Variants in MAPKAP1 observed in about 807,000 individuals in gnomAD.
MAPKAP1 encodes the protein target of rapamycin complex 2 subunit MAPKAP1.
MAPKAP1 carries 20 observed loss-of-function variants against 65.7 expected under a neutral mutation model. The ratio of observed to expected loss-of-function variants is 0.30; its 90% CI spans 0.21 to 0.44. MAPKAP1 has a LOEUF of 0.44. MAPKAP1 is among the 20% of genes least tolerant of loss of function. The pLI is 1.00. For synonymous variants in MAPKAP1, 222 were observed against 244.3 expected (o/e 0.91, Z 0.85); for missense variants, 423 against 648.0 (o/e 0.65, Z 3.77).
intron 7 of MAPKAP1, among the ~76,000 whole-genome samples, chr9:125,525,547 C>A (rs1438899881): frequency 6.6e-6 from 1 of 152,066 alleles, no homozygotes; most frequent in Admixed American, 6.5e-5. Flanking sequence ...GTGGCGCATG[C>A]CTGTAATCCC....
chr9:125,556,700 G>T (rs144097203), intron 6 of MAPKAP1, among the ~76,000 whole-genome samples: 118 of 152,280 alleles, frequency 7.7e-4, no homozygotes, highest in African/African-American at 2.7e-3. Flanking sequence ...GAGTAGTTAC[G>T]GCTTTATTTA....
chr9:125,511,155 TCATCATCAC>T (rs1198849555), intron 7 of MAPKAP1, among the ~76,000 whole-genome samples: 8 of 138,154 alleles, frequency 5.8e-5, no homozygotes, highest in East Asian at 4.0e-4. Flanking sequence ...GTATCAGCTA[TCATCATCAC>T]CATCATCATC....
intron 10 of MAPKAP1, among the ~76,000 whole-genome samples, chr9:125,449,692 GC>G (rs1289502539): frequency 6.6e-6 from 1 of 152,128 alleles, no homozygotes; most frequent in African/African-American, 2.4e-5. Context: ...CAGCTTTTGT[GC>G]TTTAATTCAT....
At chr9:125,474,798 T>C (rs1854044306) in intron 9 of MAPKAP1, among the ~76,000 whole-genome samples, 1 of 152,230 alleles carries the variant, frequency 6.6e-6, no homozygotes, top group African/African-American at 2.4e-5. Flanking sequence ...CATTCATCAA[T>C]TTCCTACAGC....
chr9:125,702,638 G>A (rs773967423), intron 1 of MAPKAP1, among the ~76,000 whole-genome samples: 16 of 152,018 alleles, frequency 1.1e-4, no homozygotes, highest in Non-Finnish European at 1.8e-4. Context: ...GATCACTTGA[G>A]GTCAAGAGTT....
intron 4 of MAPKAP1, among the ~76,000 whole-genome samples, chr9:125,621,297 A>G (rs1156460435): frequency 6.6e-6 from 1 of 151,848 alleles, no homozygotes; most frequent in Admixed American, 6.6e-5. Flanking sequence ...ACAAAAACAA[A>G]CCACAAAAGT....
At chr9:125,546,823 G>A (rs1830439483) in intron 6 of MAPKAP1, among the ~76,000 whole-genome samples, 1 of 152,012 alleles carries the variant, frequency 6.6e-6, no homozygotes, top group Non-Finnish European at 1.5e-5. Context: ...GCCCTCGGAT[G>A]AACAGGCAGG....
At chr9:125,641,060 A>G (rs1025039594) in intron 4 of MAPKAP1, among the ~76,000 whole-genome samples, 1 of 152,238 alleles carries the variant, frequency 6.6e-6, no homozygotes, top group African/African-American at 2.4e-5. Context: ...GTATCTCAAC[A>G]TAGAAATAAT....
intron 1 of MAPKAP1, among the ~76,000 whole-genome samples, chr9:125,694,095 G>A (rs769502928): frequency 4.6e-5 from 7 of 151,940 alleles, no homozygotes; most frequent in East Asian, 1.9e-4. Flanking sequence ...TTGGGAGGCC[G>A]AGGCAGGTAG....
At chr9:125,576,615 C>T (rs1428722464) in intron 5 of MAPKAP1, among the ~76,000 whole-genome samples, 1 of 152,214 alleles carries the variant, frequency 6.6e-6, no homozygotes, top group African/African-American at 2.4e-5. Context: ...CTGCAACCTC[C>T]CTGCCTGATT....
At chr9:125,692,525 G>C (rs745624566) in intron 1 of MAPKAP1, among the ~76,000 whole-genome samples, 5 of 152,192 alleles carry the variant, frequency 3.3e-5, no homozygotes, top group Non-Finnish European at 5.9e-5. Flanking sequence ...TAATGAATAT[G>C]AGATTTCTTT....
chr9:125,587,511 A>AAG (rs1831825388), intron 4 of MAPKAP1, among the ~76,000 whole-genome samples: 1 of 152,224 alleles, frequency 6.6e-6, no homozygotes, highest in African/African-American at 2.4e-5. Flanking sequence ...TGTTGCAATG[A>AAG]GCCAACATCA....
chr9:125,440,736 G>A (rs1333972716), intron 11 of MAPKAP1, among the ~76,000 whole-genome samples: 1 of 152,212 alleles, frequency 6.6e-6, no homozygotes, highest in East Asian at 1.9e-4. Context: ...CCGCTGCCTC[G>A]CCAAGTTACC....
At chr9:125,644,922 GT>G (rs1564598967) in intron 4 of MAPKAP1, among the ~76,000 whole-genome samples, 1 of 151,988 alleles carries the variant, frequency 6.6e-6, no homozygotes, top group Non-Finnish European at 1.5e-5. Flanking sequence ...TGAAAAATGT[GT>G]TTTTTTAATA....
intron 5 of MAPKAP1, among the ~76,000 whole-genome samples, chr9:125,571,581 G>T (rs1379263749): frequency 6.6e-6 from 1 of 152,172 alleles, no homozygotes; most frequent in Non-Finnish European, 1.5e-5. Flanking sequence ...ATCCGGCCAG[G>T]TGCAGTGGCT....
At chr9:125,579,093 T>C (rs1488159711) in intron 5 of MAPKAP1, among the ~76,000 whole-genome samples, 3 of 152,228 alleles carry the variant, frequency 2.0e-5, no homozygotes, top group African/African-American at 7.2e-5. Context: ...TTTCAGTTAG[T>C]TTCTCCCAAA....
chr9:125,512,710 T>C (rs1829337646), intron 7 of MAPKAP1, among the ~76,000 whole-genome samples: 1 of 151,720 alleles, frequency 6.6e-6, no homozygotes. Flanking sequence ...GCCTCCCAAG[T>C]AGCTGGGACT....
chr9:125,576,026 G>A (rs539317764), intron 5 of MAPKAP1, among the ~76,000 whole-genome samples: 20 of 152,296 alleles, frequency 1.3e-4, no homozygotes, highest in Non-Finnish European at 2.5e-4. Context: ...AGAAATAAGT[G>A]TATCACACAA....
At chr9:125,661,380 G>A (rs1002883031) in intron 3 of MAPKAP1, among the ~76,000 whole-genome samples, 40 of 152,244 alleles carry the variant, frequency 2.6e-4, no homozygotes, top group South Asian at 1.0e-3. Flanking sequence ...TATTCTCTGC[G>A]GTGCCATTTG....
Sources: allele counts gnomAD v4.1 joint callset (sites outside exome capture counted in the v4.1 genomes callset), GRCh38; gene constraint gnomAD v4.1.1; transcripts MANE v1.5; gene names NCBI Gene and HGNC (gene_info 2026-07-23, HGNC 2026-07-21).